Variants in PCDH9 observed in about 807,000 individuals in gnomAD.
PCDH9 encodes protocadherin-9.
A neutral mutation model predicts 70.6 loss-of-function variants in PCDH9; 24 were observed. That is an observed-to-expected ratio of 0.34 (90% CI 0.25 to 0.48). PCDH9 has a LOEUF of 0.48. Ranked by LOEUF, PCDH9 falls within the 20% of genes least tolerant of loss-of-function variation. The pLI, the probability that PCDH9 is intolerant of heterozygous loss-of-function variation, is 0.99. For missense variants in PCDH9, 1,281 were observed against 1,503.6 expected (o/e 0.85, Z 2.45); for synonymous variants, 562 against 558.5 (o/e 1.01, Z -0.09).
Position 66,979,709 on chromosome 13 carries a change from C to G in PCDH9, c.3037-76104G>C, listed in dbSNP as rs182679296. The stretch of plus-strand genomic sequence containing the variant: ...GCCACCTATTCTGATCATATCCCCC[C>G]CTTACAACTCCAAACACTACATTTC... On this transcript the variant is annotated intron_variant, in intron 2 of 4. Transcript: ENST00000377865. 3.9e-5 allele frequency among the ~76,000 whole-genome samples: 6 copies of G among 152,214 alleles called. No homozygotes were observed. The East Asian group carries it at 9.7e-4, about 24-fold the overall frequency.
At chr13:66,893,851 C>T (rs953546799) in intron 3 of PCDH9, among the ~76,000 whole-genome samples, 15 of 152,134 alleles carry the variant, frequency 9.9e-5, no homozygotes, top group African/African-American at 3.6e-4. Flanking sequence ...TCTATACAAC[C>T]TATTCTATTC....
intron 4 of PCDH9, among the ~76,000 whole-genome samples, chr13:66,475,873 A>G (rs1340413072): frequency 6.6e-6 from 1 of 152,062 alleles, no homozygotes; most frequent in African/African-American, 2.4e-5. Flanking sequence ...TCTTCTACCT[A>G]TCTTTAAATT....
At chr13:66,392,955 C>T (rs933558231) in intron 4 of PCDH9, among the ~76,000 whole-genome samples, 1 of 150,914 alleles carries the variant, frequency 6.6e-6, no homozygotes, top group Non-Finnish European at 1.5e-5. Context: ...TAATTTACTC[C>T]TTGTGTAAAC....
chr13:67,127,140 T>C (rs980077095), intron 2 of PCDH9, among the ~76,000 whole-genome samples: 4 of 152,082 alleles, frequency 2.6e-5, no homozygotes, highest in African/African-American at 9.7e-5. Context: ...AGATTAATAG[T>C]AAATTAATTG....
chr13:67,087,713 T>C (rs1325707132), intron 2 of PCDH9, among the ~76,000 whole-genome samples: 2 of 152,102 alleles, frequency 1.3e-5, no homozygotes, highest in Non-Finnish European at 2.9e-5. Context: ...TTCTGATTTC[T>C]TTTGGATCAT....
intron 3 of PCDH9, among the ~76,000 whole-genome samples, chr13:66,773,506 C>T (rs900750084): frequency 2.0e-5 from 3 of 151,062 alleles, no homozygotes; most frequent in African/African-American, 7.3e-5. Context: ...TGGCGGGCGC[C>T]TGTAGTCCCA....
intron 2 of PCDH9, among the ~76,000 whole-genome samples, chr13:67,063,791 C>T (rs924129809): frequency 6.6e-6 from 1 of 152,082 alleles, no homozygotes; most frequent in Non-Finnish European, 1.5e-5. Flanking sequence ...AATGAGCAGC[C>T]ATAACACAAA....
chr13:67,129,130 T>C (rs994270817), intron 2 of PCDH9, among the ~76,000 whole-genome samples: 29 of 152,206 alleles, frequency 1.9e-4, no homozygotes, highest in Non-Finnish European at 1.6e-4. Flanking sequence ...ATTTCTGTTT[T>C]ATGCTGAATA....
At chr13:66,462,971 A>G (rs1958451606) in intron 4 of PCDH9, among the ~76,000 whole-genome samples, 1 of 151,860 alleles carries the variant, frequency 6.6e-6, no homozygotes, top group Non-Finnish European at 1.5e-5. Flanking sequence ...CTGAAATGTG[A>G]TATCACTGCT....
At chr13:66,645,687 T>TTAG in intron 3 of PCDH9, among the ~76,000 whole-genome samples, 1 of 152,278 alleles carries the variant, frequency 6.6e-6, no homozygotes, top group Admixed American at 6.5e-5. Context: ...CTAGAGCTCT[T>TTAG]TAGTCAGCTA....
At chr13:66,779,752 C>T (rs1222844049) in intron 3 of PCDH9, among the ~76,000 whole-genome samples, 3 of 149,448 alleles carry the variant, frequency 2.0e-5, no homozygotes, top group African/African-American at 2.5e-5. Flanking sequence ...ACCTGGGAGG[C>T]GGTGGTTGCA....
At chr13:66,479,753 T>A (rs1286537971) in intron 4 of PCDH9, among the ~76,000 whole-genome samples, 1 of 152,182 alleles carries the variant, frequency 6.6e-6, no homozygotes, top group Non-Finnish European at 1.5e-5. Context: ...CCATCAGTGC[T>A]CTGTGTCTAC....
At chr13:67,077,235 T>C (rs921636155) in intron 2 of PCDH9, among the ~76,000 whole-genome samples, 10 of 152,190 alleles carry the variant, frequency 6.6e-5, no homozygotes, top group African/African-American at 2.2e-4. Flanking sequence ...CTATCCTCCC[T>C]GTCACTCTCT....
At chr13:66,542,460 C>G (rs1961002152) in intron 4 of PCDH9, among the ~76,000 whole-genome samples, 1 of 151,712 alleles carries the variant, frequency 6.6e-6, no homozygotes, top group South Asian at 2.1e-4. Context: ...CAGTCGAGGG[C>G]CTTAAAATCA....
At chr13:67,163,623 C>A (rs780343124) in intron 2 of PCDH9, among the ~76,000 whole-genome samples, 1 of 152,124 alleles carries the variant, frequency 6.6e-6, no homozygotes, top group Non-Finnish European at 1.5e-5. Flanking sequence ...AATTCATATG[C>A]CAGAGCAGAC....
intron 2 of PCDH9, among the ~76,000 whole-genome samples, chr13:66,907,072 T>G (rs148589620): frequency 1.3e-5 from 2 of 151,916 alleles, no homozygotes; most frequent in African/African-American, 4.8e-5. Flanking sequence ...GATGTGGTGG[T>G]GCATGCCTGT....
At chr13:66,932,681 T>TATATATATATACACACAC (rs1313632174) in intron 2 of PCDH9, among the ~76,000 whole-genome samples, 74 of 114,838 alleles carry the variant, frequency 6.4e-4, no homozygotes, top group African/African-American at 2.5e-3. Flanking sequence ...TATATATATA[T>TATATATATATACACACAC]ACACACACAC....
At chr13:66,559,817 AAT>A (rs1555306267) in intron 4 of PCDH9, among the ~76,000 whole-genome samples, 5 of 93,104 alleles carry the variant, frequency 5.4e-5, no homozygotes, top group African/African-American at 1.8e-4. Flanking sequence ...AAAAAAAAAA[AAT>A]ATATATATAT....
At chr13:67,011,035 A>C (rs2084441911) in intron 2 of PCDH9, among the ~76,000 whole-genome samples, 1 of 152,006 alleles carries the variant, frequency 6.6e-6, no homozygotes, top group African/African-American at 2.4e-5. Context: ...AAAGGAAATG[A>C]AGACATATGT....
Sources: gnomAD v4.1 joint callset for allele counts (sites outside exome capture counted in the v4.1 genomes callset) on GRCh38, gnomAD v4.1.1 for gene constraint, MANE v1.5 for transcripts, NCBI Gene and HGNC (gene_info 2026-07-23, HGNC 2026-07-21) for gene names.